Variants in REPS1 observed in about 807,000 individuals in gnomAD.
REPS1 encodes ralBP1-associated Eps domain-containing protein 1.
In REPS1, 39 loss-of-function variants were observed where a neutral mutation model predicts 100.9. The ratio of observed to expected loss-of-function variants is 0.39; its 90% CI spans 0.30 to 0.50. REPS1 has a LOEUF of 0.50. Among genes scored for constraint, REPS1 ranks in the 20% least tolerant of loss-of-function variants. REPS1 has a pLI of 0.86. For missense variants in REPS1, 821 were observed against 968.5 expected (o/e 0.85, Z 2.02); for synonymous variants, 324 against 340.3 (o/e 0.95, Z 0.53).
intron 1 of REPS1, among the ~76,000 whole-genome samples, chr6:138,966,063 C>T (rs1191014533): frequency 6.6e-6 from 1 of 152,086 alleles, no homozygotes; most frequent in Non-Finnish European, 1.5e-5. Context: ...CTCAGTAATT[C>T]GCCCTGGTCA....
intron 8 of REPS1, among the ~76,000 whole-genome samples, chr6:138,931,515 T>C (rs1470971661): frequency 6.6e-6 from 1 of 152,218 alleles, no homozygotes; most frequent in African/African-American, 2.4e-5. Context: ...CCTTTATAAT[T>C]ATACCACATT....
chr6:138,907,294 CT>C, intron 19 of REPS1, 200 bp downstream of exon 19: 21 of 240,620 alleles, frequency 8.7e-5, no homozygotes, highest in East Asian at 1.9e-4. Context: ...GATCGTGTCT[CT>C]TTAAAAAAAA....
chr6:138,970,262 T>C (rs1784265910), intron 1 of REPS1, among the ~76,000 whole-genome samples: 1 of 151,244 alleles, frequency 6.6e-6, no homozygotes, highest in South Asian at 2.1e-4. Flanking sequence ...GTTGGATAGA[T>C]GGAAAAGAGG....
chr6:138,971,949 A>G (rs866653052), intron 1 of REPS1, among the ~76,000 whole-genome samples: 4 of 152,236 alleles, frequency 2.6e-5, no homozygotes, highest in African/African-American at 9.6e-5. Flanking sequence ...TTTTCTAAAC[A>G]TCTATTATGT....
rs1554294151 is a variant in REPS1 at position 138,955,457 on chromosome 6, AGTGTGTGTGTGT to A, written c.154-7556_154-7545del. ...TGTCTCTTTAAAAAAAAAAAAAAAAAGTGTGTGTGTGTGTGTGTGTGTGTGTGTGTGTAAATA... is the reference window on the plus strand; with the variant it reads ...TGTCTCTTTAAAAAAAAAAAAAAAAAGTGTGTGTGTGTGTGTGTGTAAATA... On this transcript the variant is annotated intron_variant, in intron 1 of 19. Coordinates refer to ENST00000450536, the MANE Select transcript of REPS1 (RefSeq NM_001286611.2). Among the ~76,000 whole-genome samples, 441 of 90,734 alleles carry A rather than the reference AGTGTGTGTGTGT, an allele frequency of 4.9e-3. 5 individuals are homozygous for A. Among genetic ancestry groups the A allele is most frequent in the African/African-American group, 0.022 (421 of 19,436 alleles). 59.5% of individuals were successfully genotyped at this position (90,734 alleles called of 152,430 possible).
rs150141590 is a variant in REPS1 at position 138,983,281 on chromosome 6, G to A, written c.153+4249C>T. Among the ~76,000 whole-genome samples the A allele has an allele frequency of 7.6e-3, 1,151 of 152,088 alleles. 9 individuals carry two copies. Among genetic ancestry groups the A allele is most frequent in the African/African-American group, 0.026 (1,063 of 41,490 alleles). ...AGCCTGGCCAATATGGTGAAACCCC[G>A]ACTCTACTAAAAATACAAAAATTAG... On this transcript the variant is annotated intron_variant, in intron 1 of 19. Transcript: ENST00000450536.
chr6:138,941,948 G>C (rs368105060), intron 7 of REPS1, among the ~76,000 whole-genome samples: 2 of 151,822 alleles, frequency 1.3e-5, no homozygotes, highest in African/African-American at 4.8e-5. Flanking sequence ...GCACGATCTC[G>C]GCCCACTGCA....
At position 138,969,269 on chromosome 6, in the gene REPS1, A is replaced by ATTTTTTTTTTTTT. The variant is rs71013004; in HGVS notation, c.153+18248_153+18260dup. On this transcript the variant is annotated intron_variant, in intron 1 of 19. Transcript: ENST00000450536. ...ACACAATCTATGATACAAAGCTGTAATTTTTTTTTTTTTTTTTTTTTTTTT... is the reference window on the plus strand; with the variant it reads ...ACACAATCTATGATACAAAGCTGTAATTTTTTTTTTTTTTTTTTTTTTTTTTTTTTTTTTTTTT... Among the ~76,000 whole-genome samples the ATTTTTTTTTTTTT allele has an allele frequency of 8.5e-3, 631 of 74,226 alleles. 85 individuals are homozygous for ATTTTTTTTTTTTT. Among genetic ancestry groups the ATTTTTTTTTTTTT allele is most frequent in the East Asian group, 0.017 (33 of 1,934 alleles). The allele number at this position is 74,226 out of a possible 152,430, so 48.7% of individuals were successfully genotyped here.
chr6:138,982,452 G>C (rs764561603), intron 1 of REPS1, among the ~76,000 whole-genome samples: 1 of 152,226 alleles, frequency 6.6e-6, no homozygotes, highest in Non-Finnish European at 1.5e-5. Context: ...TTCAAAGTCT[G>C]TATGAAGTTT....
intron 1 of REPS1, among the ~76,000 whole-genome samples, chr6:138,951,692 C>T (rs1435215502): frequency 6.6e-6 from 1 of 152,082 alleles, no homozygotes; most frequent in Non-Finnish European, 1.5e-5. Flanking sequence ...AATAATTCAC[C>T]TGTGATACAG....
chr6:138,911,056 A>G, intron 17 of REPS1: 2 of 435,056 alleles, frequency 4.6e-6, no homozygotes, highest in African/African-American at 4.0e-5. Flanking sequence ...GAAGAATGCA[A>G]TAACCACTTA....
intron 10 of REPS1, among the ~76,000 whole-genome samples, chr6:138,923,046 T>G (rs752965509): frequency 6.6e-6 from 1 of 152,240 alleles, no homozygotes; most frequent in Non-Finnish European, 1.5e-5. Flanking sequence ...GTTCATGTAC[T>G]TAACCAATCA....
In REPS1 at chr6:138,930,047, G is replaced by C. The variant is rs1237264752; in HGVS notation, c.1187C>G (p.Ala396Gly). The change falls in exon 9 of 20, where the codon GCT becomes GGT. Residue 396 changes from alanine to glycine, a missense_variant. By Grantham distance (60) the Ala-to-Gly change is moderately conservative. Coordinates refer to ENST00000450536, the MANE Select transcript of REPS1 (RefSeq NM_001286611.2). ...EVGYSGSPAE[A>G]PPSKSPSMPS... ...CATCGATGGTGACTTGCTTGGAGGA[G>C]CTTCAGCAGGAGAGCCTGAATAACC... 1.2e-6 allele frequency: 2 copies of C among 1,613,384 alleles called. No individual in the cohort carries two copies. Among genetic ancestry groups the C allele is most frequent in the Admixed American group, 3.3e-5 (2 of 59,976 alleles).
Position 138,914,845 on chromosome 6 carries a change from C to T in REPS1, c.1721-84G>A, listed in dbSNP as rs986828724. On this transcript the variant is annotated intron_variant, in intron 14 of 19. Coordinates refer to ENST00000450536, the MANE Select transcript of REPS1 (RefSeq NM_001286611.2). Reference sequence around the variant, plus strand: ...GAAATAGGCTGAATGAATGTGACTACATGATAAAGATTTCTAAGAATGTTT... The same window carrying T: ...GAAATAGGCTGAATGAATGTGACTATATGATAAAGATTTCTAAGAATGTTT... 177 of 1,120,494 alleles carry T rather than the reference C, an allele frequency of 1.6e-4. 1 individual carries two copies. Among genetic ancestry groups the T allele is most frequent in the Middle Eastern group, 2.1e-4 (1 of 4,806 alleles). 69.4% of individuals were successfully genotyped at this position (1,120,494 alleles called of 1,614,324 possible). A position where few individuals can be genotyped will look rare whatever the true frequency, so the allele number is the denominator to read the frequency against.
At chr6:138,954,432 G>A (rs1783243405) in intron 1 of REPS1, among the ~76,000 whole-genome samples, 1 of 151,184 alleles carries the variant, frequency 6.6e-6, no homozygotes, top group African/African-American at 2.4e-5. Flanking sequence ...GCTTCCCTGG[G>A]CCACACTGGA....
intron 1 of REPS1, among the ~76,000 whole-genome samples, chr6:138,963,708 G>A (rs190698565): frequency 5.3e-5 from 8 of 152,156 alleles, no homozygotes; most frequent in Non-Finnish European, 1.2e-4. Context: ...GTGGCAAAGA[G>A]GATGGACACA....
intron 1 of REPS1, among the ~76,000 whole-genome samples, chr6:138,968,373 A>G (rs1175689048): frequency 6.6e-6 from 1 of 152,212 alleles, no homozygotes; most frequent in African/African-American, 2.4e-5. Flanking sequence ...ATGACCCTAA[A>G]AATTACGCAT....
intron 1 of REPS1, among the ~76,000 whole-genome samples, chr6:138,969,348 G>A (rs1474079628): frequency 7.2e-6 from 1 of 139,718 alleles, no homozygotes; most frequent in Non-Finnish European, 1.5e-5. Context: ...CTGGAGTGCA[G>A]TGGTGCAATC....
intron 8 of REPS1, among the ~76,000 whole-genome samples, chr6:138,933,333 G>A (rs897154121): frequency 6.6e-6 from 1 of 152,220 alleles, no homozygotes; most frequent in African/African-American, 2.4e-5. Flanking sequence ...CCATTATGGT[G>A]CAAAGGCAGT....
Sources: allele counts gnomAD v4.1 joint callset (sites outside exome capture counted in the v4.1 genomes callset), GRCh38; gene constraint gnomAD v4.1.1; transcripts MANE v1.5; gene names NCBI Gene and HGNC (gene_info 2026-07-23, HGNC 2026-07-21).